Variants in IL1RAPL1 observed in about 807,000 individuals in gnomAD.
The protein encoded by IL1RAPL1 is interleukin 1 receptor accessory protein like 1, also known as interleukin-1 receptor accessory protein-like 1.
In IL1RAPL1, 3 loss-of-function variants were observed where a neutral mutation model predicts 48.4. That is an observed-to-expected ratio of 0.06 (90% CI 0.03 to 0.16). IL1RAPL1 has a LOEUF of 0.16. IL1RAPL1 is among the 10% of genes least tolerant of loss of function. The pLI, the probability that IL1RAPL1 is intolerant of heterozygous loss-of-function variation, is 1.00. For synonymous variants in IL1RAPL1, 185 were observed against 187.7 expected (o/e 0.99, Z 0.12); for missense variants, 349 against 530.6 (o/e 0.66, Z 3.36).
At position 29,058,956 on chromosome X, in the gene IL1RAPL1, G is replaced by T. The variant is rs902656417; in HGVS notation, c.83-223982G>T. Among the ~76,000 whole-genome samples the T allele has an allele frequency of 8.9e-5, 10 of 112,062 alleles. No individual in the cohort carries two copies. In the East Asian group the frequency reaches 2.5e-3, roughly 28 times the overall value. Reference sequence around the variant, plus strand: ...TGAATTAGGATATGTTCGATTAAGAGAAATTGTGTCCATGAATGTTTTGAT... The same window carrying T: ...TGAATTAGGATATGTTCGATTAAGATAAATTGTGTCCATGAATGTTTTGAT... On this transcript the variant is annotated intron_variant, in intron 2 of 10. Transcript: ENST00000378993.
At chrX:29,019,272 G>T (rs1374594360) in intron 2 of IL1RAPL1, among the ~76,000 whole-genome samples, 5 of 111,735 alleles carry the variant, frequency 4.5e-5, no homozygotes, top group African/African-American at 1.6e-4. Context: ...TTGGAATGAT[G>T]AAAATGTTCT....
intron 2 of IL1RAPL1, among the ~76,000 whole-genome samples, chrX:28,992,038 A>G (rs1038077735): frequency 8.9e-6 from 1 of 112,033 alleles, no homozygotes; most frequent in African/African-American, 3.2e-5. Flanking sequence ...ATCCATTTGA[A>G]TTTCAATACC....
intron 3 of IL1RAPL1, among the ~76,000 whole-genome samples, chrX:29,310,161 A>G (rs1466156568): frequency 9.8e-6 from 1 of 102,547 alleles, no homozygotes; most frequent in East Asian, 3.0e-4. Flanking sequence ...AAAAAAGGGT[A>G]AGTCGGGAGC....
At chrX:29,762,395 C>G (rs1382366710) in intron 6 of IL1RAPL1, among the ~76,000 whole-genome samples, 1 of 111,721 alleles carries the variant, frequency 9.0e-6, no homozygotes, top group East Asian at 2.8e-4. Flanking sequence ...AAAATTACTC[C>G]TTGAATTTGA....
intron 2 of IL1RAPL1, among the ~76,000 whole-genome samples, chrX:29,231,815 T>G (rs1296628907): frequency 8.9e-6 from 1 of 112,216 alleles, no homozygotes; most frequent in Non-Finnish European, 1.9e-5. Context: ...GCTGTCATTT[T>G]CTAACTCTGC....
chrX:29,387,941 C>T (rs1236550067), intron 3 of IL1RAPL1, among the ~76,000 whole-genome samples: 3 of 105,952 alleles, frequency 2.8e-5, no homozygotes, highest in Admixed American at 1.0e-4. Context: ...TGCAGTGAGC[C>T]GAAATCATGC....
At chrX:28,603,040 C>T (rs966530797) in intron 1 of IL1RAPL1, among the ~76,000 whole-genome samples, 1 of 111,386 alleles carries the variant, frequency 9.0e-6, no homozygotes, top group Non-Finnish European at 1.9e-5. Flanking sequence ...CTTTTTGAGA[C>T]TATTGAAAGG....
At chrX:29,190,312 GT>G (rs1930328171) in intron 2 of IL1RAPL1, among the ~76,000 whole-genome samples, 2 of 111,698 alleles carry the variant, frequency 1.8e-5, no homozygotes, top group South Asian at 7.4e-4. Flanking sequence ...AATAATAGAG[GT>G]TTTTTAAAAA....
chrX:28,877,186 G>T (rs1309362241), intron 2 of IL1RAPL1, among the ~76,000 whole-genome samples: 1 of 112,386 alleles, frequency 8.9e-6, no homozygotes, highest in Non-Finnish European at 1.9e-5. Context: ...ATCTCACCAG[G>T]TGATTCCGAT....
intron 6 of IL1RAPL1, among the ~76,000 whole-genome samples, chrX:29,767,137 G>A (rs1010103743): frequency 9.0e-6 from 1 of 111,513 alleles, no homozygotes; most frequent in Admixed American, 9.6e-5. Context: ...TGTTCTTCAA[G>A]GATTGCTCCC....
chrX:28,863,342 A>T (rs1471053144), intron 2 of IL1RAPL1, among the ~76,000 whole-genome samples: 1 of 111,064 alleles, frequency 9.0e-6, no homozygotes, highest in Non-Finnish European at 1.9e-5. Flanking sequence ...GTTTAAAAAA[A>T]AAAAATGAGT....
chrX:29,771,448 T>A (rs899648668), intron 6 of IL1RAPL1, among the ~76,000 whole-genome samples: 15 of 112,220 alleles, frequency 1.3e-4, no homozygotes, highest in African/African-American at 4.8e-4. Context: ...GGCTTCTCTG[T>A]TGTCTGAATT....
At chrX:29,724,652 C>A (rs1429037437) in intron 6 of IL1RAPL1, among the ~76,000 whole-genome samples, 1 of 111,794 alleles carries the variant, frequency 8.9e-6, no homozygotes, top group Admixed American at 9.5e-5. Flanking sequence ...TAGAGACAGA[C>A]CTGGCTTCAA....
At chrX:29,217,525 AGTTAAAACAT>A (rs1930893520) in intron 2 of IL1RAPL1, among the ~76,000 whole-genome samples, 1 of 111,785 alleles carries the variant, frequency 8.9e-6, no homozygotes, top group East Asian at 2.8e-4. Context: ...GTTCTTGCGA[AGTTAAAACAT>A]GATAATCTTG....
chrX:29,704,145 G>T (rs1232042668), intron 6 of IL1RAPL1, among the ~76,000 whole-genome samples: 1 of 109,439 alleles, frequency 9.1e-6, no homozygotes, highest in African/African-American at 3.3e-5. Flanking sequence ...GCCCAGGCTG[G>T]TCTCAATTTC....
chrX:29,259,513 C>A (rs1602139797), intron 2 of IL1RAPL1, among the ~76,000 whole-genome samples: 1 of 110,598 alleles, frequency 9.0e-6, no homozygotes, highest in East Asian at 2.8e-4. Flanking sequence ...TAACAGAGTT[C>A]AAATTTCTTA....
intron 5 of IL1RAPL1, among the ~76,000 whole-genome samples, chrX:29,607,767 G>T (rs1034845844): frequency 1.8e-5 from 2 of 111,396 alleles, no homozygotes; most frequent in Admixed American, 1.9e-4. Context: ...TTAATACTAT[G>T]TCCTAGACTT....
chrX:29,010,486 G>A (rs1926097666), intron 2 of IL1RAPL1, among the ~76,000 whole-genome samples: 1 of 111,485 alleles, frequency 9.0e-6, no homozygotes, highest in Non-Finnish European at 1.9e-5. Flanking sequence ...CTTTTTCCAT[G>A]TCTCTTGAGA....
intron 2 of IL1RAPL1, among the ~76,000 whole-genome samples, chrX:29,039,801 A>T (rs2147415672): frequency 9.1e-6 from 1 of 109,844 alleles, no homozygotes; most frequent in African/African-American, 3.3e-5. Context: ...AAAAAAAAAA[A>T]AAAAAAATCC....
Sources: allele counts gnomAD v4.1 joint callset (sites outside exome capture counted in the v4.1 genomes callset), GRCh38; gene constraint gnomAD v4.1.1; transcripts MANE v1.5; gene names NCBI Gene and HGNC (gene_info 2026-07-23, HGNC 2026-07-21).